Variants in SMURF2 observed in about 807,000 individuals in gnomAD.
SMURF2 encodes SMAD specific E3 ubiquitin protein ligase 2, also known as E3 ubiquitin-protein ligase SMURF2.
SMURF2 carries 48 observed loss-of-function variants against 109.6 expected under a neutral mutation model. That is an observed-to-expected ratio of 0.44 (90% CI 0.35 to 0.56). SMURF2 has a LOEUF of 0.56. Among genes scored for constraint, SMURF2 ranks in the 20% least tolerant of loss-of-function variants. The probability of loss-of-function intolerance (pLI) is 0.01; values close to 1 mark genes in which losing one functional copy is unlikely to be tolerated. For missense variants in SMURF2, 575 were observed against 909.0 expected, an observed-to-expected ratio of 0.63 and a Z score of 4.72; for synonymous variants, 288 against 317.1, an observed-to-expected ratio of 0.91 and a Z score of 0.97.
At chr17:64,658,329 T>C (rs1970731607) in intron 1 of SMURF2, among the ~76,000 whole-genome samples, 1 of 152,058 alleles carries the variant, frequency 6.6e-6, no homozygotes, top group Admixed American at 6.6e-5. Flanking sequence ...TCAACTCCAG[T>C]CAAGAGTGAA....
intron 8 of SMURF2, 129 bp downstream of exon 8, chr17:64,580,660 G>A: frequency 1.1e-6 from 1 of 948,820 alleles, no homozygotes; most frequent in Non-Finnish European, 1.6e-6. Context: ...AAGTTGGGAG[G>A]TTTTATATTT....
At chr17:64,633,025 C>A (rs1292517284) in intron 1 of SMURF2, among the ~76,000 whole-genome samples, 1 of 152,214 alleles carries the variant, frequency 6.6e-6, no homozygotes, top group Non-Finnish European at 1.5e-5. Context: ...AATCTCAGCA[C>A]TTTGGGAGGC....
rs972625976 is a variant in SMURF2 at position 64,624,521 on chromosome 17, A to T, written c.53-17881T>A. Among the ~76,000 whole-genome samples the T allele has an allele frequency of 1.0e-4, 15 of 149,766 alleles. No individual in the cohort carries two copies. The East Asian group carries it at 2.8e-3, about 28-fold the overall frequency. Reference sequence around the variant, plus strand: ...GCCTCTACAAAAAAAAAAAAAAAAAATTAAAAAAATTAAAAACTAGCAAGG... The same window carrying T: ...GCCTCTACAAAAAAAAAAAAAAAAATTTAAAAAAATTAAAAACTAGCAAGG... On this transcript the variant is annotated intron_variant, in intron 1 of 18. Transcript: ENST00000262435.
chr17:64,591,444 A>G (rs575780299), intron 4 of SMURF2, among the ~76,000 whole-genome samples: 9 of 152,300 alleles, frequency 5.9e-5, no homozygotes, highest in African/African-American at 2.2e-4. Flanking sequence ...TATTTTTTTG[A>G]GGATTAAATC....
chr17:64,613,018 T>C (rs557038672), intron 1 of SMURF2, among the ~76,000 whole-genome samples: 17 of 152,348 alleles, frequency 1.1e-4, no homozygotes, highest in Non-Finnish European at 1.9e-4. Flanking sequence ...AATTACTTTC[T>C]GCCCTGGAAG....
chr17:64,578,465 T>TA (rs1329809211), intron 9 of SMURF2, 27 bp downstream of exon 9: 1 of 1,474,442 alleles, frequency 6.8e-7, no homozygotes, highest in Non-Finnish European at 9.5e-7. Context: ...TTTGATGGTC[T>TA]AAAGAGTGCT....
chr17:64,599,389 T>G (rs558522695), intron 2 of SMURF2, among the ~76,000 whole-genome samples: 2 of 151,986 alleles, frequency 1.3e-5, no homozygotes, highest in South Asian at 2.1e-4. Flanking sequence ...TGAGTACAAG[T>G]AAGAGCTCAG....
At chr17:64,609,108 AACGAAATAAGAGAGG>A (rs1311948569) in intron 1 of SMURF2, among the ~76,000 whole-genome samples, 3 of 152,336 alleles carry the variant, frequency 2.0e-5, no homozygotes, top group Admixed American at 2.0e-4. Flanking sequence ...ACCACTGCTC[AACGAAATAAGAGAGG>A]ACACAAATAA....
At chr17:64,602,216 G>A (rs1294934911) in intron 2 of SMURF2, among the ~76,000 whole-genome samples, 3 of 151,732 alleles carry the variant, frequency 2.0e-5, no homozygotes, top group Non-Finnish European at 4.4e-5. Flanking sequence ...CTATACACTG[G>A]GTACAGTGTA....
At chr17:64,654,218 T>G (rs1221324218) in intron 1 of SMURF2, among the ~76,000 whole-genome samples, 3 of 152,146 alleles carry the variant, frequency 2.0e-5, no homozygotes, top group South Asian at 4.1e-4. Context: ...ATTTAAAAAT[T>G]TAAACTTTAT....
intron 10 of SMURF2, among the ~76,000 whole-genome samples, chr17:64,565,334 T>A (rs1227420007): frequency 6.6e-6 from 1 of 152,138 alleles, no homozygotes; most frequent in Non-Finnish European, 1.5e-5. Flanking sequence ...AGGGCTGATG[T>A]GAGAGTGCAG....
intron 1 of SMURF2, among the ~76,000 whole-genome samples, chr17:64,633,729 C>A (rs1555691833): frequency 6.6e-6 from 1 of 152,068 alleles, no homozygotes; most frequent in African/African-American, 2.4e-5. Flanking sequence ...GCTGAAAACA[C>A]CAAACAACTT....
At chr17:64,589,256 T>A (rs1969714799) in intron 5 of SMURF2, among the ~76,000 whole-genome samples, 2 of 152,214 alleles carry the variant, frequency 1.3e-5, no homozygotes, top group Non-Finnish European at 2.9e-5. Flanking sequence ...TTGCTATTTA[T>A]ATAAATGCAA....
Position 64,603,579 on chromosome 17 carries a change from G to A in SMURF2, c.91+3023C>T, listed in dbSNP as rs111243384. ...CCGGGGGACAGAGCAAGACTCCGTC[G>A]GGGGAAAAAAAAAAAAAAAAACATA... is the stretch of plus-strand genomic sequence containing the variant. On this transcript the variant is annotated intron_variant, in intron 2 of 18. Transcript: ENST00000262435. 8.0e-3 allele frequency among the ~76,000 whole-genome samples: 916 copies of A among 114,012 alleles called. 7 individuals carry two copies. The highest frequency in any genetic ancestry group is 0.04 in the African/African-American group (840 of 20,806). The allele number at this position is 114,012 out of a possible 152,430, so 74.8% of individuals were successfully genotyped here.
chr17:64,544,695 A>C lies in SMURF2; in HGVS notation c.*1153T>G, dbSNP rs1484939129. ...CGCCATAGAGTTAGAATCACTGTTC[A>C]TACTACCGCCCCTCAACCCCACTTC... On this transcript the variant is annotated 3_prime_UTR_variant, in exon 19 of 19. Coordinates refer to ENST00000262435, the MANE Select transcript of SMURF2 (RefSeq NM_022739.4). The C allele has an allele frequency of 1.3e-5, 2 of 152,234 alleles. No homozygotes were observed. Among genetic ancestry groups the C allele is most frequent in the African/African-American group, 4.8e-5 (2 of 41,452 alleles). The allele number at this position is 152,234 out of a possible 1,614,324, so 9.4% of individuals were successfully genotyped here.
intron 1 of SMURF2, among the ~76,000 whole-genome samples, chr17:64,658,436 G>A (rs1442827091): frequency 1.3e-5 from 2 of 152,146 alleles, no homozygotes; most frequent in Non-Finnish European, 2.9e-5. Context: ...TTAAAGCCTT[G>A]AATCGATAAA....
chr17:64,651,527 G>A (rs1283633934), intron 1 of SMURF2, among the ~76,000 whole-genome samples: 3 of 150,820 alleles, frequency 2.0e-5, no homozygotes, highest in African/African-American at 7.3e-5. Context: ...AGCCAAGATC[G>A]TGCCACTGCA....
intron 5 of SMURF2, among the ~76,000 whole-genome samples, chr17:64,587,180 A>C (rs1268521270): frequency 6.6e-6 from 1 of 152,206 alleles, no homozygotes; most frequent in South Asian, 2.1e-4. Context: ...GTCTCAAAAA[A>C]ATAAATAAAT....
At chr17:64,557,556 A>T in intron 13 of SMURF2, 52 bp downstream of exon 13, 7 of 1,170,200 alleles carry the variant, frequency 6.0e-6, no homozygotes, top group Non-Finnish European at 8.9e-6. Context: ...ATTAACATGT[A>T]AACATGAAAA....
Sources: allele counts gnomAD v4.1 joint callset (sites outside exome capture counted in the v4.1 genomes callset), GRCh38; gene constraint gnomAD v4.1.1; transcripts MANE v1.5; gene names NCBI Gene and HGNC (gene_info 2026-07-23, HGNC 2026-07-21).